Variants in RADIL observed in about 807,000 individuals in gnomAD.
The protein encoded by RADIL is Rap associating with DIL domain.
Under a neutral mutation model 97.6 loss-of-function variants are expected in RADIL, and 99 were observed. That is an observed-to-expected ratio of 1.01 (90% CI 0.86 to 1.20). The LOEUF is 1.20. Ranked by LOEUF, RADIL falls within the 50% of genes most tolerant of loss-of-function variation. RADIL has a pLI of 0.00. For missense variants in RADIL, 1,765 were observed against 1,498.9 expected (o/e 1.18, Z -2.93); for synonymous variants, 803 against 691.8 (o/e 1.16, Z -2.52).
intron 2 of RADIL, among the ~76,000 whole-genome samples, chr7:4,856,424 A>G (rs1191041935): frequency 6.6e-6 from 1 of 152,152 alleles, no homozygotes; most frequent in African/African-American, 2.4e-5. Context: ...GATCTTTAAA[A>G]CAGACTTTTT....
rs761790954 is a variant in RADIL, at chr7:4,801,851, CA to C, written c.2643del (p.Gly882GlufsTer109). 49 of 1,597,306 alleles carry C rather than the reference CA, an allele frequency of 3.1e-5. No individual in the cohort carries two copies. The East Asian group carries it at 3.2e-4, about 10-fold the overall frequency. On this transcript the variant is annotated frameshift_variant, in exon 12 of 15. Coordinates refer to ENST00000399583, the MANE Select transcript of RADIL (RefSeq NM_018059.5). LOFTEE classifies it high-confidence loss of function. ...LRGAPWAQAP[P>X]GRQPSRGGSQ... ...GAGCCCCCACGGCTGGGTTGCCTTC[CA>C]GGGGGGGCCTGTGCCCAGGGAGCCC...
chr7:4,870,336 T>A (rs1319439257), intron 2 of RADIL, among the ~76,000 whole-genome samples: 1 of 152,188 alleles, frequency 6.6e-6, no homozygotes, highest in East Asian at 1.9e-4. Context: ...TCTAAAACCA[T>A]GAGAGACGCT....
rs1783231919 is a variant in RADIL, at chr7:4,834,353, T to C, written c.1416+254A>G. 6.6e-6 allele frequency among the ~76,000 whole-genome samples: 1 copy of C among 151,784 alleles called. No individual in the cohort carries two copies. Among genetic ancestry groups the C allele is most frequent in the Admixed American group, 6.6e-5 (1 of 15,236 alleles). On this transcript the variant is annotated intron_variant, in intron 4 of 14. Transcript: ENST00000399583. This position sits in a 1 kb window ranked among gnomAD's most constrained non-coding sequence, Gnocchi z 6.0. ...GGGTACAAGCCCAGAGCTCAGGAGGTGACCTAGGACCCCACGCAAACCCCA... is the reference window on the plus strand; with the variant it reads ...GGGTACAAGCCCAGAGCTCAGGAGGCGACCTAGGACCCCACGCAAACCCCA...
Position 4,799,363 on chromosome 7 carries a change from G to T in RADIL, c.*15C>A. The T allele has an allele frequency of 1.2e-6, 2 of 1,612,178 alleles. No individual in the cohort carries two copies. The highest frequency in any genetic ancestry group is 1.7e-6 in the Non-Finnish European group (2 of 1,178,788). The stretch of plus-strand genomic sequence containing the variant: ...GACCGGGTGCCGGGCCTGTGGGGGT[G>T]TCCTCGCAGCCCCCCTAGAGAGGGG... On this transcript the variant is annotated 3_prime_UTR_variant, in exon 15 of 15. Coordinates refer to ENST00000399583, the MANE Select transcript of RADIL (RefSeq NM_018059.5).
chr7:4,800,749 T>C (rs1782055506), intron 12 of RADIL, among the ~76,000 whole-genome samples: 1 of 152,180 alleles, frequency 6.6e-6, no homozygotes, highest in South Asian at 2.1e-4. Context: ...GCACCTGCCC[T>C]GAGGGCCACC....
rs373246995 is a variant in RADIL, at chr7:4,834,718, G to A, written c.1305C>T (p.Thr435=). The A allele has an allele frequency of 2.1e-6, 3 of 1,411,696 alleles. No individual in the cohort carries two copies. Among genetic ancestry groups the A allele is most frequent in the Non-Finnish European group, 2.8e-6 (3 of 1,076,014 alleles). The allele number at this position is 1,411,696 out of a possible 1,614,324, so 87.4% of individuals were successfully genotyped here. A position where few individuals can be genotyped will look rare whatever the true frequency, so the allele number is the denominator to read the frequency against. Residue 435 remains threonine, a synonymous_variant, in exon 4 of 15, where the codon ACC becomes ACT. Coordinates refer to ENST00000399583, the MANE Select transcript of RADIL (RefSeq NM_018059.5). The surrounding 1 kb of genome is among the most constrained non-coding windows in gnomAD (Gnocchi z 6.0). The stretch of plus-strand genomic sequence containing the variant: ...TGCAGAGGCACAGGAGGAAGGCGGG[G>A]GTCAGCTTGTGGTCGTCGCCCCCCG... ...IEPGGDDHKL[T]PAFLLCLCIQ...
At chr7:4,856,107 C>CTT (rs112928865) in intron 2 of RADIL, among the ~76,000 whole-genome samples, 3,876 of 146,524 alleles carry the variant, frequency 0.026, 172 homozygotes, top group African/African-American at 0.09. Flanking sequence ...CTGAATCCAG[C>CTT]TTTTTTTTTT....
intron 13 of RADIL, 34 bp from the exon 14 acceptor site, chr7:4,799,803 G>C: frequency 6.8e-7 from 1 of 1,470,986 alleles, no homozygotes; most frequent in Non-Finnish European, 9.0e-7. Flanking sequence ...AGCTCCGCAG[G>C]CCCGACTGGC....
At chr7:4,826,911 ATGGCTT>A (rs1782998690) in intron 5 of RADIL, among the ~76,000 whole-genome samples, 1 of 152,210 alleles carries the variant, frequency 6.6e-6, no homozygotes, top group African/African-American at 2.4e-5. Context: ...TGAACAAACA[ATGGCTT>A]TCAAAACATA....
chr7:4,808,132 C>T (rs148028274), intron 9 of RADIL, among the ~76,000 whole-genome samples: 2,931 of 136,692 alleles, frequency 0.021, 55 homozygotes, highest in Middle Eastern at 0.028. Context: ...TCCTTCCCCT[C>T]TTCCTCTCTC....
intron 6 of RADIL, among the ~76,000 whole-genome samples, chr7:4,820,624 G>C (rs948438983): frequency 1.3e-5 from 2 of 152,222 alleles, no homozygotes; most frequent in African/African-American, 2.4e-5. Flanking sequence ...AAGGAGGGGA[G>C]AAGGAAACAG....
intron 1 of RADIL, among the ~76,000 whole-genome samples, chr7:4,882,525 A>G (rs1204160633): frequency 3.3e-5 from 5 of 152,206 alleles, no homozygotes; most frequent in Non-Finnish European, 7.3e-5. Flanking sequence ...CGGCGAGTAC[A>G]GGGAGTGAGG....
chr7:4,827,580 G>C lies in RADIL; in HGVS notation c.1454+4561C>G, dbSNP rs369435282. On this transcript the variant is annotated intron_variant, in intron 5 of 14. Coordinates refer to ENST00000399583, the MANE Select transcript of RADIL (RefSeq NM_018059.5). ...GGAGGCTGAGGCAGGAGAATGGCGT[G>C]AACCCAGGAGGCGGAGGTTGCAGTG... is the stretch of plus-strand genomic sequence containing the variant. Among the ~76,000 whole-genome samples, 50 of 152,286 alleles carry C rather than the reference G, an allele frequency of 3.3e-4. No homozygotes were observed. In the South Asian group the frequency reaches 0.01, roughly 31 times the overall value.
chr7:4,881,332 G>A (rs897147689), intron 1 of RADIL, among the ~76,000 whole-genome samples: 6 of 148,654 alleles, frequency 4.0e-5, no homozygotes, highest in East Asian at 4.0e-4. Context: ...GGAGAATGGC[G>A]TGAACCCGGG....
At chr7:4,865,816 G>A in intron 2 of RADIL, 1 of 768,402 alleles carries the variant, frequency 1.3e-6, no homozygotes, top group Non-Finnish European at 2.3e-6. Context: ...AGCAGCGGAG[G>A]CAGAAAGGGA....
intron 1 of RADIL, chr7:4,881,990 G>A (rs111726311): frequency 1.1e-4 from 17 of 148,752 alleles, no homozygotes; most frequent in African/African-American, 3.3e-4. Flanking sequence ...AGCCGGATTC[G>A]AAGGCAGAGG....
In RADIL at chr7:4,834,392, A is replaced by G. The variant is rs904613143; in HGVS notation, c.1416+215T>C. ...ACGCAAACCCCACCCTCAGGGGCAA[A>G]GGGCTGCAGCTGACACCTTGGGTTC... On this transcript the variant is annotated intron_variant, in intron 4 of 14. Coordinates refer to ENST00000399583, the MANE Select transcript of RADIL (RefSeq NM_018059.5). This position sits in a 1 kb window ranked among gnomAD's most constrained non-coding sequence, Gnocchi z 6.0. Among the ~76,000 whole-genome samples, 11 of 152,104 alleles carry G rather than the reference A, an allele frequency of 7.2e-5. No individual in the cohort carries two copies. Among genetic ancestry groups the G allele is most frequent in the African/African-American group, 2.7e-4 (11 of 41,422 alleles).
chr7:4,825,297 G>A (rs1172209711), intron 5 of RADIL, among the ~76,000 whole-genome samples: 2 of 152,176 alleles, frequency 1.3e-5, no homozygotes, highest in African/African-American at 4.8e-5. Context: ...TATCTCCTGC[G>A]GGTGGAGGGA....
chr7:4,870,402 C>A (rs1259414840), intron 2 of RADIL, among the ~76,000 whole-genome samples: 1 of 152,190 alleles, frequency 6.6e-6, no homozygotes, highest in African/African-American at 2.4e-5. Context: ...TTATAGGTCA[C>A]TGTTGGGAAC....
Sources: gnomAD v4.1 joint callset for allele counts (sites outside exome capture counted in the v4.1 genomes callset) on GRCh38, gnomAD v4.1.1 for gene constraint, Gnocchi (gnomAD v3.1) non-coding constraint, MANE v1.5 for transcripts, NCBI Gene and HGNC (gene_info 2026-07-23, HGNC 2026-07-21) for gene names.